The following CAPRIN2 variants were observed in gnomAD, a reference collection of about 807,000 sequenced individuals.
CAPRIN2 encodes caprin-2.
CAPRIN2 carries 66 observed loss-of-function variants against 130.4 expected under a neutral mutation model. The ratio of observed to expected loss-of-function variants is 0.51; its 90% confidence interval spans 0.42 to 0.62. The LOEUF is 0.62. Ranked by LOEUF, CAPRIN2 falls within the 20% of genes least tolerant of loss-of-function variation. The pLI, the probability that CAPRIN2 is intolerant of heterozygous loss-of-function variation, is 0.00. For synonymous variants in CAPRIN2, 471 were observed against 444.1 expected, an observed-to-expected ratio of 1.06 and a Z score of -0.76; for missense variants, 1,185 against 1,246.6, an observed-to-expected ratio of 0.95 and a Z score of 0.74.
In CAPRIN2 at chr12:30,716,662, A is replaced by G. The variant is rs141863140; in HGVS notation, c.2163T>C (p.Asn721=). 5.6e-6 allele frequency: 9 copies of G among 1,613,814 alleles called. No individual in the cohort carries two copies. The African/African-American group carries it at 9.3e-5, about 17-fold the overall frequency. Residue 721 remains asparagine, a synonymous_variant, in exon 13 of 17, where the codon AAT becomes AAC. Coordinates refer to ENST00000298892, the Ensembl canonical transcript of CAPRIN2. ...GTTCTTTTCGTGGAGGCAGAGGTGCATTAACGTTAAATACCTTAAAAGACA... is the reference window on the plus strand; with the variant it reads ...GTTCTTTTCGTGGAGGCAGAGGTGCGTTAACGTTAAATACCTTAAAAGACA...
intron 4 of CAPRIN2, among the ~76,000 whole-genome samples, chr12:30,734,622 TA>T (rs1220789467): frequency 6.6e-6 from 1 of 152,148 alleles, no homozygotes; most frequent in African/African-American, 2.4e-5. Context: ...AAAATTACTT[TA>T]AAAGTTTTAG....
exon 14 of CAPRIN2, chr12:30,715,057 G>A (rs2056994538): frequency 6.2e-7 from 1 of 1,613,854 alleles, no homozygotes; most frequent in South Asian, 1.1e-5. Context: ...TGGCTGAGTA[G>A]GTCTGGGAAA....
intron 3 of CAPRIN2, among the ~76,000 whole-genome samples, chr12:30,739,271 C>G (rs10843827): frequency 0.29 from 43,402 of 152,018 alleles, 6,396 homozygotes; most frequent in Non-Finnish European, 0.33. Context: ...GATGGAGTTG[C>G]AGGCCATTAT....
chr12:30,728,557 A>AAT, intron 8 of CAPRIN2, 91 bp downstream of exon 9: 1 of 914,058 alleles, frequency 1.1e-6, no homozygotes, highest in Non-Finnish European at 1.5e-6. Flanking sequence ...TCCATCTCAA[A>AAT]AAAAAAAAAA....
At chr12:30,733,629 A>T in exon 5 of CAPRIN2, 1 of 1,606,986 alleles carries the variant, frequency 6.2e-7, no homozygotes, top group Admixed American at 1.7e-5. Flanking sequence ...GAAAACTCAC[A>T]TGTCGTTCCT....
chr12:30,728,816 A>T (rs778977219), exon 8 of CAPRIN2: 3 of 1,614,088 alleles, frequency 1.9e-6, no homozygotes, highest in Non-Finnish European at 1.7e-6. Flanking sequence ...GCTGTTTTGA[A>T]TCCTGTTCTT....
At chr12:30,716,328 G>A (rs2057545242) in intron 13 of CAPRIN2, 180 bp downstream of exon 15, 2 of 539,638 alleles carry the variant, frequency 3.7e-6, no homozygotes, top group East Asian at 3.4e-5. Flanking sequence ...AAAATTAATA[G>A]GTAAACTTAA....
At position 30,713,887 on chromosome 12, in the gene CAPRIN2, TAATA is replaced by T. The variant is rs766197870; in HGVS notation, c.2501-6_2501-3del. On this transcript the variant is annotated splice_region_variant and splice_polypyrimidine_tract_variant and intron_variant, in intron 14 of 16. Coordinates refer to ENST00000298892, the Ensembl canonical transcript of CAPRIN2. ...GGAGTCCTCTATAAGTATCAAAACC[TAATA>T]AATAAACAAACTTACATAAGATTAT... 2.6e-6 allele frequency: 4 copies of T among 1,531,232 alleles called. No homozygotes were observed. Among genetic ancestry groups the T allele is most frequent in the Non-Finnish European group, 3.6e-6 (4 of 1,107,158 alleles). 94.9% of individuals were successfully genotyped at this position (1,531,232 alleles called of 1,614,324 possible). A position where few individuals can be genotyped will look rare whatever the true frequency, so the allele number is the denominator to read the frequency against.
chr12:30,725,821 A>G (rs2137465697), intron 9 of CAPRIN2, 145 bp downstream of exon 10: 1 of 520,818 alleles, frequency 1.9e-6, no homozygotes, highest in East Asian at 3.6e-5. Context: ...GAATCAAGTA[A>G]TTTGCCTAAA....
exon 1 of CAPRIN2, chr12:30,753,724 G>A: frequency 1.2e-6 from 2 of 1,613,368 alleles, no homozygotes; most frequent in Non-Finnish European, 1.7e-6. Context: ...ACAGAAGTGA[G>A]CTCGAAACCC....
rs761265039 is a variant in CAPRIN2, at chr12:30,710,513, A to T, written c.2666-43T>A. On this transcript the variant is annotated intron_variant, in intron 16 of 16. Coordinates refer to ENST00000298892, the Ensembl canonical transcript of CAPRIN2. This position sits in a 1 kb window ranked among gnomAD's most constrained non-coding sequence, Gnocchi z 4.8. ...GTGAGTTTCTCATAATGAAGCAGTTAGCTTTGAACACAATATTTAACATTA... is the reference window on the plus strand; with the variant it reads ...GTGAGTTTCTCATAATGAAGCAGTTTGCTTTGAACACAATATTTAACATTA... 15 of 1,610,702 alleles carry T rather than the reference A, an allele frequency of 9.3e-6. No individual in the cohort carries two copies. The highest frequency in any genetic ancestry group is 1.3e-5 in the Non-Finnish European group (15 of 1,179,074).
intron 15 of CAPRIN2, among the ~76,000 whole-genome samples, chr12:30,713,040 C>A (rs1265303057): frequency 6.6e-6 from 1 of 152,170 alleles, no homozygotes; most frequent in African/African-American, 2.4e-5. Context: ...CCACGCCTGG[C>A]CTTCACCCTT....
Position 30,720,863 on chromosome 12 carries a change from T to C in CAPRIN2, c.2096A>G (p.Asp699Gly), listed in dbSNP as rs796354350. ...TGTTTCAGATCCAGAAGAAGCCTGATCGGTAGTAACCAAGCAAGCATTTGA... is the reference window on the plus strand; with the variant it reads ...TGTTTCAGATCCAGAAGAAGCCTGACCGGTAGTAACCAAGCAAGCATTTGA... Residue 699 changes from aspartate (D) to glycine (G), a missense_variant, in exon 12 of 17, where the codon GAT becomes GGT. This residue lies in a region of CAPRIN2 where 1,104 missense variants were observed against 1,104.3 expected (regional missense o/e 1.00). Transcript: ENST00000298892. 8 of 1,613,750 alleles carry C rather than the reference T, an allele frequency of 5.0e-6. No homozygotes were observed. In the South Asian group the frequency reaches 5.5e-5, roughly 11 times the overall value.
intron 7 of CAPRIN2, 23 bp from the exon 9 acceptor site, chr12:30,729,348 T>G: frequency 6.6e-7 from 1 of 1,505,526 alleles, no homozygotes; most frequent in Non-Finnish European, 8.9e-7. Flanking sequence ...ACAATGCACT[T>G]AAGTCACAAA....
At chr12:30,724,023 G>A (rs777711989) in intron 10 of CAPRIN2, among the ~76,000 whole-genome samples, 14 of 152,156 alleles carry the variant, frequency 9.2e-5, no homozygotes, top group South Asian at 2.1e-4. Context: ...AATCACACCC[G>A]TAGTTAAGAC....
intron 2 of CAPRIN2, among the ~76,000 whole-genome samples, chr12:30,744,615 T>G (rs541669678): frequency 1.3e-5 from 2 of 152,248 alleles, no homozygotes; most frequent in South Asian, 4.2e-4. Context: ...GTTCTTCCTT[T>G]CCTAAGGAAG....
At chr12:30,721,445 A>C (rs1239255561) in intron 11 of CAPRIN2, among the ~76,000 whole-genome samples, 1 of 152,240 alleles carries the variant, frequency 6.6e-6, no homozygotes, top group African/African-American at 2.4e-5. Context: ...ATAAATCAGA[A>C]TGGCACCAAA....
chr12:30,712,733 CTTTTTTTTTTTT>C (rs754373140), intron 15 of CAPRIN2, among the ~76,000 whole-genome samples: 3 of 107,308 alleles, frequency 2.8e-5, no homozygotes, highest in African/African-American at 3.4e-5. Flanking sequence ...GTTTTCCACT[CTTTTTTTTTTTT>C]TTTTTTTTTT....
intron 2 of CAPRIN2, among the ~76,000 whole-genome samples, chr12:30,744,440 G>A (rs893005245): frequency 2.6e-5 from 4 of 152,130 alleles, no homozygotes; most frequent in South Asian, 2.1e-4. Flanking sequence ...ACCCATCCAC[G>A]TGACCTTCTT....
Sources: allele counts gnomAD v4.1 joint callset (sites outside exome capture counted in the v4.1 genomes callset), GRCh38; gene constraint gnomAD v4.1.1; regional missense constraint gnomAD v4.1.1; non-coding constraint Gnocchi (gnomAD v3.1); transcripts MANE v1.5; gene names NCBI Gene and HGNC (gene_info 2026-07-23, HGNC 2026-07-21).